KATNAL2: variants seen among roughly 807,000 people sequenced by gnomAD.
KATNAL2 encodes katanin catalytic subunit A1 like 2.
Under a neutral mutation model 76.3 loss-of-function variants are expected in KATNAL2, and 52 were observed. That is an observed-to-expected ratio of 0.68 (90% CI 0.55 to 0.86). KATNAL2 has a LOEUF of 0.86. Among genes scored for constraint, KATNAL2 ranks in the 40% least tolerant of loss-of-function variants. The pLI is 0.00. For missense variants in KATNAL2, 660 were observed against 668.9 expected (o/e 0.99, Z 0.15); for synonymous variants, 243 against 244.2 (o/e 1.00, Z 0.05).
chr18:46,959,738 T>C (rs555987973), intron 3 of KATNAL2, among the ~76,000 whole-genome samples: 3 of 152,284 alleles, frequency 2.0e-5, no homozygotes, highest in Non-Finnish European at 4.4e-5. Flanking sequence ...CATGCCCGGC[T>C]AATTTTTGTA....
intron 1 of KATNAL2, among the ~76,000 whole-genome samples, chr18:46,938,268 T>C (rs2059149389): frequency 6.6e-6 from 1 of 152,204 alleles, no homozygotes; most frequent in Non-Finnish European, 1.5e-5. Context: ...TATTCATGGA[T>C]ATATACATAT....
intron 6 of KATNAL2, among the ~76,000 whole-genome samples, chr18:47,057,524 C>T (rs1030712723): frequency 1.3e-5 from 2 of 152,188 alleles, no homozygotes; most frequent in Non-Finnish European, 2.9e-5. Context: ...TTACAGCCAC[C>T]GGCAAGCTAC....
chr18:46,957,553 C>CCTTTTTTTT, intron 3 of KATNAL2, among the ~76,000 whole-genome samples: 1 of 60,512 alleles, frequency 1.7e-5, no homozygotes, highest in Non-Finnish European at 3.1e-5. Context: ...CGCGCCTGGC[C>CCTTTTTTTT]TTTTTTTTTT....
At chr18:46,932,415 C>T (rs2058954955) in intron 1 of KATNAL2, among the ~76,000 whole-genome samples, 3 of 151,944 alleles carry the variant, frequency 2.0e-5, no homozygotes, top group Admixed American at 2.0e-4. Context: ...TGGCTCACAC[C>T]TGTAATTCCA....
chr18:46,961,331 T>A (rs963477243), intron 3 of KATNAL2, among the ~76,000 whole-genome samples: 3 of 152,220 alleles, frequency 2.0e-5, no homozygotes, highest in Non-Finnish European at 2.9e-5. Flanking sequence ...GGTCCCCACC[T>A]CATTTCCCCT....
At chr18:47,082,969 T>C (rs1003872295) in intron 15 of KATNAL2, among the ~76,000 whole-genome samples, 5 of 152,168 alleles carry the variant, frequency 3.3e-5, no homozygotes, top group Admixed American at 6.5e-5. Flanking sequence ...TCCTTGAAAA[T>C]TGGATTTTGT....
intron 1 of KATNAL2, among the ~76,000 whole-genome samples, chr18:46,928,139 C>T (rs552107312): frequency 3.9e-5 from 6 of 152,306 alleles, no homozygotes; most frequent in South Asian, 2.1e-4. Flanking sequence ...GAGCTGCGTT[C>T]CTTTGGAGGA....
intron 15 of KATNAL2, among the ~76,000 whole-genome samples, chr18:47,097,118 C>CAAAAAAAAAAAAAAA (rs58101085): frequency 1.4e-5 from 1 of 70,908 alleles, no homozygotes; most frequent in Non-Finnish European, 3.2e-5. Context: ...GACCCTGGCT[C>CAAAAAAAAAAAAAAA]AAAAAAAAAA....
intron 3 of KATNAL2, among the ~76,000 whole-genome samples, chr18:46,955,984 A>G (rs539189111): frequency 6.6e-6 from 1 of 152,202 alleles, no homozygotes; most frequent in East Asian, 1.9e-4. Context: ...GAATCCTACT[A>G]GTTGCTCTTG....
chr18:47,057,682 A>G (rs1260286052), intron 6 of KATNAL2, among the ~76,000 whole-genome samples: 1 of 152,212 alleles, frequency 6.6e-6, no homozygotes, highest in East Asian at 1.9e-4. Flanking sequence ...GACAACATTG[A>G]TGAAGGGAAG....
chr18:47,095,552 CCCCTTT>C (rs1486190491), intron 15 of KATNAL2, among the ~76,000 whole-genome samples: 2 of 152,200 alleles, frequency 1.3e-5, no homozygotes, highest in African/African-American at 2.4e-5. Flanking sequence ...GTCAATTAAA[CCCCTTT>C]CCTTTATAAA....
At chr18:47,033,045 G>A in intron 3 of KATNAL2, 1 of 1,614,120 alleles carries the variant, frequency 6.2e-7, no homozygotes, top group Non-Finnish European at 8.5e-7. Flanking sequence ...GAATTGCCTT[G>A]GCCATCAGCG....
chr18:47,034,654 C>T lies in KATNAL2; in HGVS notation c.52-11803C>T, dbSNP rs767836630. 10 of 1,613,626 alleles carry T rather than the reference C, an allele frequency of 6.2e-6. No individual in the cohort carries two copies. The Admixed American group carries it at 1.3e-4, about 22-fold the overall frequency. Reference sequence around the variant, plus strand: ...CTGGCAGCCTGGACACAGCAGAGGCCCGCCCTGAGCCGCGTGAGTGTGGCC... The same window carrying T: ...CTGGCAGCCTGGACACAGCAGAGGCTCGCCCTGAGCCGCGTGAGTGTGGCC... On this transcript the variant is annotated intron_variant, in intron 3 of 17. Transcript: ENST00000683218.
At chr18:47,034,124 G>T in intron 3 of KATNAL2, 1 of 1,614,194 alleles carries the variant, frequency 6.2e-7, no homozygotes, top group Non-Finnish European at 8.5e-7. Context: ...TCACATGACA[G>T]AGTGGGCTGC....
intron 15 of KATNAL2, among the ~76,000 whole-genome samples, chr18:47,084,959 C>G (rs947974780): frequency 1.3e-5 from 2 of 151,702 alleles, no homozygotes; most frequent in African/African-American, 4.8e-5. Context: ...TCTCCCTCCC[C>G]TTCAGATATC....
chr18:47,080,808 C>G (rs961578560), intron 15 of KATNAL2, among the ~76,000 whole-genome samples: 7 of 152,142 alleles, frequency 4.6e-5, no homozygotes, highest in African/African-American at 1.7e-4. Flanking sequence ...TTTTCATGTC[C>G]TTATGGGCCA....
intron 15 of KATNAL2, among the ~76,000 whole-genome samples, chr18:47,094,599 C>T (rs1158139487): frequency 2.6e-5 from 4 of 152,192 alleles, no homozygotes; most frequent in African/African-American, 9.7e-5. Flanking sequence ...CAAAGGCTTG[C>T]CAACTGTGGG....
rs34034453 is a variant in KATNAL2, at chr18:47,084,847, T to TAAAAAAAAAAA, written c.1211+7404_1211+7414dup. 2.4e-3 allele frequency among the ~76,000 whole-genome samples: 61 copies of TAAAAAAAAAAA among 25,538 alleles called. 13 individuals are homozygous for TAAAAAAAAAAA. The highest frequency in any genetic ancestry group is 3.1e-3 in the Non-Finnish European group (48 of 15,436). The allele number at this position is 25,538 out of a possible 152,430, so 16.8% of individuals were successfully genotyped here. On this transcript the variant is annotated intron_variant, in intron 15 of 17. Coordinates refer to ENST00000683218, the MANE Select transcript of KATNAL2 (RefSeq NM_001387690.1). ...CTGGATGACAGAGCAAGACTCTGTC[T>TAAAAAAAAAAA]AAAAAAAAAAAAAAAAAAAAAAAAA...
chr18:47,052,886 C>A lies in KATNAL2; in HGVS notation c.129C>A (p.Ile43=). The A allele has an allele frequency of 1.2e-6, 2 of 1,600,942 alleles. No homozygotes were observed. Among genetic ancestry groups the A allele is most frequent in the Non-Finnish European group, 1.7e-6 (2 of 1,175,840 alleles). The change falls in exon 5 of 18, where the codon ATC becomes ATA. Residue 43 remains isoleucine (I), a synonymous_variant. Transcript: ENST00000683218. ...ISHYLTQEGY[I]DTANALEQET... is the part of the protein sequence containing the mutation. ...TATTCTGTGAAACTGCCAGGTATAT[C>A]GATACAGCAAATGCTTTGGAGCAAG...
Sources: allele counts gnomAD v4.1 joint callset (sites outside exome capture counted in the v4.1 genomes callset), GRCh38; gene constraint gnomAD v4.1.1; transcripts MANE v1.5; gene names NCBI Gene and HGNC (gene_info 2026-07-23, HGNC 2026-07-21).